The following ACTR3C variants were observed in gnomAD, a reference collection of about 807,000 sequenced individuals.
The protein encoded by ACTR3C is actin related protein 3C, also known as actin-related protein 3C.
ACTR3C carries 18 observed loss-of-function variants against 26.3 expected under a neutral mutation model. The ratio of observed to expected loss-of-function variants is 0.68; its 90% CI spans 0.47 to 1.01. The LOEUF (loss-of-function observed/expected upper bound fraction) is 1.01, where lower values mean the gene tolerates loss of function less well. Among genes scored for constraint, ACTR3C ranks in the 50% least tolerant of loss-of-function variants. ACTR3C has a pLI of 0.00. For synonymous variants in ACTR3C, 55 were observed against 94.5 expected (o/e 0.58, Z 2.42); for missense variants, 184 against 250.7 (o/e 0.73, Z 1.80).
chr7:150,032,899 T>C, the ACTR3C span, among the ~76,000 whole-genome samples: 1 of 152,002 alleles, frequency 6.6e-6, no homozygotes, highest in African/African-American at 2.4e-5. Context: ...CATGAGCAAA[T>C]GTCCAGAGGT....
the ACTR3C span, among the ~76,000 whole-genome samples, chr7:150,215,131 T>C: frequency 6.6e-6 from 1 of 151,138 alleles, no homozygotes; most frequent in East Asian, 1.9e-4. Flanking sequence ...GTCCTTGTGG[T>C]AAAATAAACA....
chr7:150,043,751 G>T, the ACTR3C span, among the ~76,000 whole-genome samples: 1 of 152,150 alleles, frequency 6.6e-6, no homozygotes, highest in Non-Finnish European at 1.5e-5. Context: ...CATTTATTAG[G>T]AAAATCATGT....
chr7:150,314,605 A>G (rs939786099), intron 1 of ACTR3C, among the ~76,000 whole-genome samples: 2 of 152,094 alleles, frequency 1.3e-5, no homozygotes, highest in African/African-American at 4.8e-5. Flanking sequence ...CTGAAGCAAT[A>G]TTTTTGTGCT....
At chr7:149,897,061 C>CAAAA in the ACTR3C span, among the ~76,000 whole-genome samples, 7 of 51,076 alleles carry the variant, frequency 1.4e-4, no homozygotes, top group Non-Finnish European at 1.9e-4. Context: ...ACACCGTCTC[C>CAAAA]AAAAAAAAAA....
the ACTR3C span, among the ~76,000 whole-genome samples, chr7:150,235,659 G>T: frequency 1.3e-5 from 2 of 152,196 alleles, no homozygotes; most frequent in African/African-American, 4.8e-5. Flanking sequence ...ACGTCGTTGG[G>T]TTCATTCGGC....
At chr7:150,076,834 G>T in the ACTR3C span, among the ~76,000 whole-genome samples, 6 of 152,160 alleles carry the variant, frequency 3.9e-5, no homozygotes, top group African/African-American at 1.4e-4. Flanking sequence ...ATTTTTGGAG[G>T]CGTGTAGGTC....
the ACTR3C span, chr7:150,040,396 T>G: frequency 6.7e-6 from 1 of 148,262 alleles, no homozygotes; most frequent in South Asian, 2.1e-4. Flanking sequence ...CCAGAAGTTT[T>G]TCCTTTAACT....
the ACTR3C span, among the ~76,000 whole-genome samples, chr7:149,984,716 T>C: frequency 1.2e-4 from 18 of 152,120 alleles, no homozygotes; most frequent in African/African-American, 3.4e-4. Context: ...ACTGTCCACG[T>C]CATCCAAAAC....
chr7:150,079,878 C>G, the ACTR3C span, among the ~76,000 whole-genome samples: 118 of 152,308 alleles, frequency 7.7e-4, no homozygotes, highest in African/African-American at 2.8e-3. Flanking sequence ...CCTCCTTTCA[C>G]TCTTGCACTT....
chr7:150,283,291 G>A (rs1835495494), intron 6 of ACTR3C, among the ~76,000 whole-genome samples: 1 of 150,174 alleles, frequency 6.7e-6, no homozygotes, highest in Non-Finnish European at 1.5e-5. Flanking sequence ...AAGTGGGAAG[G>A]ACATGACCCG....
At chr7:150,034,044 G>A in the ACTR3C span, among the ~76,000 whole-genome samples, 1 of 151,886 alleles carries the variant, frequency 6.6e-6, no homozygotes, top group African/African-American at 2.4e-5. Context: ...GGGGGGAAGA[G>A]GGGTTGGCTC....
At chr7:150,023,007 T>C in the ACTR3C span, among the ~76,000 whole-genome samples, 1 of 151,498 alleles carries the variant, frequency 6.6e-6, no homozygotes, top group African/African-American at 2.4e-5. Context: ...ACTCACACAG[T>C]ACAGATCACA....
chr7:149,882,653 G>A, the ACTR3C span, among the ~76,000 whole-genome samples: 2 of 152,216 alleles, frequency 1.3e-5, no homozygotes, highest in African/African-American at 4.8e-5. Context: ...AACCTGCAGG[G>A]TAAGTAGGTC....
chr7:150,173,006 C>T, the ACTR3C span, among the ~76,000 whole-genome samples: 2 of 149,304 alleles, frequency 1.3e-5, no homozygotes, highest in African/African-American at 2.6e-5. Context: ...CAGCTGCTTT[C>T]ACAGGCTGGC....
the ACTR3C span, among the ~76,000 whole-genome samples, chr7:149,958,426 C>A: frequency 1.9e-4 from 29 of 152,334 alleles, no homozygotes; most frequent in Admixed American, 7.8e-4. Flanking sequence ...TGTTCTTGAG[C>A]AGAATTAGTC....
chr7:150,047,903 C>G, the ACTR3C span: 1 of 1,372,080 alleles, frequency 7.3e-7, no homozygotes, highest in Non-Finnish European at 9.6e-7. Context: ...TAATATTTTG[C>G]TTTCTCTCCG....
the ACTR3C span, among the ~76,000 whole-genome samples, chr7:150,067,656 G>A: frequency 6.1e-4 from 92 of 151,944 alleles, no homozygotes; most frequent in African/African-American, 2.1e-3. Context: ...CTGTTGCTTA[G>A]CTTGGAAGGC....
At chr7:149,903,640 C>T in the ACTR3C span, among the ~76,000 whole-genome samples, 3,540 of 151,532 alleles carry the variant, frequency 0.023, 51 homozygotes, top group Non-Finnish European at 0.037. Flanking sequence ...CTCCTGGGCT[C>T]AAGCAATCAT....
intron 6 of ACTR3C, among the ~76,000 whole-genome samples, chr7:150,278,310 A>G (rs1239744254): frequency 1.6e-4 from 25 of 152,202 alleles, no homozygotes; most frequent in Admixed American, 1.6e-3. Flanking sequence ...TGGCAATTTT[A>G]ACTCACAAAA....
Sources: gnomAD v4.1 joint callset for allele counts (sites outside exome capture counted in the v4.1 genomes callset) on GRCh38, gnomAD v4.1.1 for gene constraint, MANE v1.5 for transcripts, NCBI Gene and HGNC (gene_info 2026-07-23, HGNC 2026-07-21) for gene names.